COG4: variants seen among roughly 807,000 people sequenced by gnomAD.
COG4 encodes the protein conserved oligomeric Golgi complex subunit 4.
A neutral mutation model predicts 95.1 loss-of-function variants in COG4; 65 were observed. That is an observed-to-expected ratio of 0.68 (90% CI 0.56 to 0.84). COG4 has a LOEUF of 0.84. Among genes scored for constraint, COG4 ranks in the 40% least tolerant of loss-of-function variants. The probability of loss-of-function intolerance (pLI) is 0.00; values close to 1 mark genes in which losing one functional copy is unlikely to be tolerated. For synonymous variants in COG4, 421 were observed against 374.8 expected, an observed-to-expected ratio of 1.12 and a Z score of -1.42; for missense variants, 1,045 against 989.1, an observed-to-expected ratio of 1.06 and a Z score of -0.76.
At chr16:70,494,618 A>G (rs1402527344) in intron 12 of COG4, among the ~76,000 whole-genome samples, 1 of 152,166 alleles carries the variant, frequency 6.6e-6, no homozygotes, top group Non-Finnish European at 1.5e-5. Flanking sequence ...AAGTGGTGGA[A>G]AACGGAACTG....
intron 4 of COG4, 61 bp from the exon 5 acceptor site, chr16:70,512,493 C>G: frequency 7.2e-7 from 1 of 1,390,010 alleles, no homozygotes; most frequent in Non-Finnish European, 1.0e-6. Context: ...AGGTCCATGC[C>G]ACTTTGTGTA....
intron 8 of COG4, among the ~76,000 whole-genome samples, chr16:70,504,114 C>G (rs2049509840): frequency 6.6e-6 from 1 of 152,124 alleles, no homozygotes; most frequent in African/African-American, 2.4e-5. Flanking sequence ...AGTCATCTGA[C>G]CTCTCCAGCC....
intron 13 of COG4, among the ~76,000 whole-genome samples, chr16:70,487,054 G>GCTGAGGTGGGCGGATCGC (rs2049152342): frequency 6.6e-6 from 1 of 151,712 alleles, no homozygotes; most frequent in Non-Finnish European, 1.5e-5. Flanking sequence ...ACTATGGGAG[G>GCTGAGGTGGGCGGATCGC]CTGAGGTGGG....
intron 1 of COG4, among the ~76,000 whole-genome samples, chr16:70,520,162 G>A (rs554024150): frequency 4.3e-4 from 65 of 152,114 alleles, no homozygotes; most frequent in African/African-American, 6.7e-4. Context: ...TAGGCTGGGC[G>A]CGGCGGCTTA....
chr16:70,500,989 T>C lies in COG4; in HGVS notation c.1164A>G (p.Gly388=), dbSNP rs371757727. ...KKRISSDFEV[G]DSMASEEVKQ... is the part of the protein sequence containing the mutation. ...TTACTTCCTCTGAGGCCATGGAGTC[T>C]CCCACCTCAAAATCAGAGCTAATCC... Residue 388 remains glycine, a synonymous_variant, in exon 9 of 19, where the codon GGA becomes GGG. Coordinates refer to ENST00000323786, the MANE Select transcript of COG4 (RefSeq NM_015386.3). 8 of 1,613,988 alleles carry C rather than the reference T, an allele frequency of 5.0e-6. No homozygotes were observed. In the Middle Eastern group the frequency reaches 4.9e-4, roughly 99 times the overall value.
chr16:70,507,548 G>A (rs372218177), intron 8 of COG4, among the ~76,000 whole-genome samples: 53 of 152,154 alleles, frequency 3.5e-4, no homozygotes, highest in African/African-American at 1.3e-3. Flanking sequence ...ATCGTCTAAT[G>A]ATGTATTTCT....
chr16:70,485,253 G>C (rs1363434120), intron 13 of COG4, among the ~76,000 whole-genome samples: 1 of 150,678 alleles, frequency 6.6e-6, no homozygotes, highest in Non-Finnish European at 1.5e-5. Flanking sequence ...GCCCTGGCTG[G>C]AGTGCAGTGG....
chr16:70,512,415 T>G lies in COG4; in HGVS notation c.562A>C (p.Asn188His), dbSNP rs1369753660. 3.1e-6 allele frequency: 5 copies of G among 1,613,896 alleles called. No homozygotes were observed. The highest frequency in any genetic ancestry group is 4.2e-6 in the Non-Finnish European group (5 of 1,179,938). Residue 188 changes from asparagine to histidine, a missense_variant, in exon 5 of 19, where the codon AAC becomes CAC. Physicochemically the swap from Asn to His is moderately conservative, Grantham distance 68. Coordinates refer to ENST00000323786, the MANE Select transcript of COG4 (RefSeq NM_015386.3). ...QGKEGSMIDA[N>H]LKLLQEAEQR... is the part of the protein sequence containing the mutation. The stretch of plus-strand genomic sequence containing the variant: ...TCAGCTTCCTGCAGCAATTTCAGGT[T>G]GGCATCAATCATGCTCCCTGCTCAA...
rs752445461 is a variant in COG4 at position 70,481,046 on chromosome 16, G to A, written c.2334C>T (p.Asp778=). The A allele has an allele frequency of 1.2e-6, 2 of 1,613,262 alleles. No individual in the cohort carries two copies. ...GCCTCTTGATATCTTCACTGCGGAA[G>A]TCTATCCGCAGGGCCAGCACCTGGC... is the stretch of plus-strand genomic sequence containing the variant. The part of the protein sequence containing the change: ...EVRQVLALRI[D]FRSEDIKRLR... The change falls in exon 19 of 19, where the codon GAC becomes GAT. Residue 778 remains aspartate (D), a synonymous_variant. Transcript: ENST00000323786.
intron 7 of COG4, 44 bp downstream of exon 7, chr16:70,509,187 G>T (rs770367353): frequency 6.2e-7 from 1 of 1,611,832 alleles, no homozygotes; most frequent in South Asian, 1.1e-5. Context: ...AGTGTTCCTC[G>T]CTAAAGCTGC....
intron 3 of COG4, among the ~76,000 whole-genome samples, chr16:70,514,901 C>T (rs2049790722): frequency 6.6e-6 from 1 of 151,772 alleles, no homozygotes; most frequent in African/African-American, 2.4e-5. Context: ...TTTGTAGAGG[C>T]AGGGTTTCAT....
intron 13 of COG4, among the ~76,000 whole-genome samples, chr16:70,485,783 C>T (rs1235054931): frequency 6.6e-6 from 1 of 151,842 alleles, no homozygotes; most frequent in African/African-American, 2.4e-5. Context: ...TGGGGTTTCA[C>T]CATGTTGGCC....
At chr16:70,498,744 T>G (rs1203860810) in intron 9 of COG4, among the ~76,000 whole-genome samples, 1 of 152,216 alleles carries the variant, frequency 6.6e-6, no homozygotes, top group African/African-American at 2.4e-5. Flanking sequence ...TCACAATAAT[T>G]GGAGATTATA....
intron 13 of COG4, among the ~76,000 whole-genome samples, chr16:70,487,970 G>A (rs1195789825): frequency 6.6e-6 from 1 of 151,840 alleles, no homozygotes; most frequent in East Asian, 1.9e-4. Flanking sequence ...GATTACAGGT[G>A]TGCACCACCA....
chr16:70,511,770 T>TA (rs1309929766), intron 5 of COG4, among the ~76,000 whole-genome samples: 1 of 151,550 alleles, frequency 6.6e-6, no homozygotes, highest in Non-Finnish European at 1.5e-5. Flanking sequence ...CAGTCTCTAC[T>TA]AAAAATACAA....
intron 9 of COG4, among the ~76,000 whole-genome samples, chr16:70,500,624 G>A (rs1001606793): frequency 5.3e-5 from 8 of 152,072 alleles, no homozygotes; most frequent in Non-Finnish European, 8.8e-5. Flanking sequence ...GTCTCCCAAA[G>A]TGCTGGGATT....
At chr16:70,502,228 G>GCCAA (rs2151752831) in intron 8 of COG4, among the ~76,000 whole-genome samples, 1 of 128,398 alleles carries the variant, frequency 7.8e-6, no homozygotes, top group East Asian at 2.7e-4. Context: ...GTTGCAGTGA[G>GCCAA]CCAAGATCGC....
chr16:70,482,662 C>G, intron 15 of COG4, 67 bp downstream of exon 15: 1 of 1,297,410 alleles, frequency 7.7e-7, no homozygotes, highest in Non-Finnish European at 1.1e-6. Flanking sequence ...GATGGCTCTG[C>G]TCCCTCTAGC....
chr16:70,507,406 G>C (rs1004177436), intron 8 of COG4, among the ~76,000 whole-genome samples: 3 of 151,988 alleles, frequency 2.0e-5, no homozygotes, highest in Admixed American at 2.0e-4. Context: ...ACTTACCATC[G>C]TGTTATAATT....
Sources: gnomAD v4.1 joint callset for allele counts (sites outside exome capture counted in the v4.1 genomes callset) on GRCh38, gnomAD v4.1.1 for gene constraint, MANE v1.5 for transcripts, NCBI Gene and HGNC (gene_info 2026-07-23, HGNC 2026-07-21) for gene names.